ZNF804B: variants seen among roughly 807,000 people sequenced by gnomAD.
ZNF804B encodes the protein zinc finger protein 804B.
A neutral mutation model predicts 101.4 loss-of-function variants in ZNF804B; 80 were observed. The ratio of observed to expected loss-of-function variants is 0.79; its 90% CI spans 0.66 to 0.95. The LOEUF is 0.95. Among genes scored for constraint, ZNF804B ranks in the 40% least tolerant of loss-of-function variants. The pLI is 0.00. For synonymous variants in ZNF804B, 622 were observed against 558.8 expected (o/e 1.11, Z -1.59); for missense variants, 1,673 against 1,561.9 (o/e 1.07, Z -1.20).
intron 1 of ZNF804B, among the ~76,000 whole-genome samples, chr7:88,925,572 C>G (rs1283968509): frequency 6.6e-6 from 1 of 152,078 alleles, no homozygotes; most frequent in Non-Finnish European, 1.5e-5. Context: ...TGGAGAGAGG[C>G]CTTGGGAGAA....
chr7:89,211,539 G>C (rs755749934), intron 1 of ZNF804B, among the ~76,000 whole-genome samples: 1 of 152,032 alleles, frequency 6.6e-6, no homozygotes, highest in Non-Finnish European at 1.5e-5. Context: ...GTTAATTTTT[G>C]TATAAGGTGA....
chr7:88,860,851 C>A (rs1301058956), intron 1 of ZNF804B, among the ~76,000 whole-genome samples: 1 of 152,086 alleles, frequency 6.6e-6, no homozygotes, highest in Non-Finnish European at 1.5e-5. Context: ...TCGTCAAATG[C>A]CATTTAATAA....
At chr7:89,063,269 G>C (rs1789404432) in intron 1 of ZNF804B, among the ~76,000 whole-genome samples, 1 of 152,058 alleles carries the variant, frequency 6.6e-6, no homozygotes, top group African/African-American at 2.4e-5. Context: ...AGGACCTATT[G>C]CATGTCTGAT....
At chr7:88,956,711 TGTA>T (rs1793315894) in intron 1 of ZNF804B, among the ~76,000 whole-genome samples, 2 of 151,186 alleles carry the variant, frequency 1.3e-5, no homozygotes, top group South Asian at 2.1e-4. Context: ...AAATATTAAA[TGTA>T]GTATATTTCT....
Position 89,336,298 on chromosome 7 carries a change from C to G in ZNF804B, c.3316C>G (p.His1106Asp). Residue 1106 changes from histidine (H) to aspartate (D), a missense_variant, in exon 4 of 4, where the codon CAT becomes GAT. His to Asp is a moderately conservative substitution (Grantham distance 81). Coordinates refer to ENST00000333190, the MANE Select transcript of ZNF804B (RefSeq NM_181646.5). Reference sequence around the variant, plus strand: ...TCTAGACTTACAGGATGTAAGCATGCATATAAATCATGTAGAGGGAAATAT... The same window carrying G: ...TCTAGACTTACAGGATGTAAGCATGGATATAAATCATGTAGAGGGAAATAT... ...INLDLQDVSMHINHVEGNINS... is the reference protein window; with the variant it reads ...INLDLQDVSMDINHVEGNINS... 6.2e-7 allele frequency: 1 copy of G among 1,613,788 alleles called. No homozygotes were observed. Among genetic ancestry groups the G allele is most frequent in the Non-Finnish European group, 8.5e-7 (1 of 1,179,918 alleles).
intron 1 of ZNF804B, among the ~76,000 whole-genome samples, chr7:88,870,158 G>A (rs897845967): frequency 6.6e-6 from 1 of 150,964 alleles, no homozygotes; most frequent in African/African-American, 2.4e-5. Flanking sequence ...AGGCCGAGAC[G>A]GGCGGATCAC....
intron 1 of ZNF804B, among the ~76,000 whole-genome samples, chr7:88,833,737 G>T (rs1028129004): frequency 5.9e-5 from 9 of 151,820 alleles, no homozygotes; most frequent in Admixed American, 2.0e-4. Context: ...TAATTTGATT[G>T]CATCTCTGTG....
chr7:89,167,584 T>C (rs186866456), intron 1 of ZNF804B, among the ~76,000 whole-genome samples: 2 of 152,312 alleles, frequency 1.3e-5, no homozygotes, highest in Non-Finnish European at 2.9e-5. Flanking sequence ...AAGCAGGGTG[T>C]ACTTTCTATA....
intron 1 of ZNF804B, among the ~76,000 whole-genome samples, chr7:89,038,598 T>C (rs1788964083): frequency 6.6e-6 from 1 of 152,154 alleles, no homozygotes; most frequent in Non-Finnish European, 1.5e-5. Context: ...CAAATATTTT[T>C]GCTCATTCTG....
chr7:89,336,588 G>A lies in ZNF804B; in HGVS notation c.3606G>A (p.Gln1202=), dbSNP rs1302546995. Residue 1202 remains glutamine, a synonymous_variant, in exon 4 of 4, where the codon CAG becomes CAA. Transcript: ENST00000333190. The part of the protein sequence containing the change: ...ASTVQTVPVH[Q]HTSITTIHHT... Reference sequence around the variant, plus strand: ...CCGTACAGACAGTTCCAGTTCACCAGCACACTTCTATCACCACCATCCACC... The same window carrying A: ...CCGTACAGACAGTTCCAGTTCACCAACACACTTCTATCACCACCATCCACC... The A allele has an allele frequency of 6.2e-7, 1 of 1,614,054 alleles. No homozygotes were observed.
intron 1 of ZNF804B, among the ~76,000 whole-genome samples, chr7:88,905,384 G>A (rs1792453797): frequency 6.6e-6 from 1 of 151,534 alleles, no homozygotes; most frequent in Non-Finnish European, 1.5e-5. Context: ...TTTAGATGGA[G>A]TCTCACTCTG....
At position 89,263,170 on chromosome 7, in the gene ZNF804B, C is replaced by T. The variant is rs1789736307; in HGVS notation, c.249+44875C>T. On this transcript the variant is annotated intron_variant, in intron 2 of 3. Transcript: ENST00000333190. ...ATGCCTCCGTCTTCCTGACCTCCTT[C>T]AGTTAATATTCCTACCTCGGGACTT... 2.0e-5 allele frequency among the ~76,000 whole-genome samples: 3 copies of T among 152,298 alleles called. No homozygotes were observed. In the South Asian group the frequency reaches 6.2e-4, roughly 32 times the overall value.
intron 1 of ZNF804B, among the ~76,000 whole-genome samples, chr7:89,049,248 T>C (rs1225878613): frequency 6.6e-6 from 1 of 152,190 alleles, no homozygotes; most frequent in African/African-American, 2.4e-5. Context: ...CACTGACTGA[T>C]AAGAATGGAA....
chr7:89,136,105 A>G (rs1304602961), intron 1 of ZNF804B, among the ~76,000 whole-genome samples: 1 of 152,118 alleles, frequency 6.6e-6, no homozygotes, highest in Non-Finnish European at 1.5e-5. Context: ...TATAATGTTG[A>G]TTATTAGAAT....
intron 1 of ZNF804B, among the ~76,000 whole-genome samples, chr7:88,973,424 C>A (rs1038288672): frequency 6.6e-6 from 1 of 151,306 alleles, no homozygotes; most frequent in Admixed American, 6.6e-5. Context: ...ATCTCTCTCT[C>A]TCTTTTTAAA....
At chr7:89,188,526 A>G (rs1447608356) in intron 1 of ZNF804B, among the ~76,000 whole-genome samples, 2 of 152,170 alleles carry the variant, frequency 1.3e-5, no homozygotes, top group East Asian at 3.9e-4. Context: ...TATTAAGCTT[A>G]GTCAGGAAGG....
intron 1 of ZNF804B, among the ~76,000 whole-genome samples, chr7:88,838,879 C>A (rs1276469072): frequency 6.6e-6 from 1 of 151,940 alleles, no homozygotes; most frequent in East Asian, 1.9e-4. Flanking sequence ...GTTATAATAA[C>A]TAGATAGTAT....
At chr7:89,144,284 G>A (rs1381087185) in intron 1 of ZNF804B, among the ~76,000 whole-genome samples, 4 of 151,920 alleles carry the variant, frequency 2.6e-5, no homozygotes, top group Non-Finnish European at 5.9e-5. Flanking sequence ...CATACAAATA[G>A]TCGTAAGCTT....
At chr7:89,288,235 A>G (rs1790236466) in intron 2 of ZNF804B, among the ~76,000 whole-genome samples, 1 of 152,106 alleles carries the variant, frequency 6.6e-6, no homozygotes. Flanking sequence ...AAAAAAATGG[A>G]AAGAACCGAT....
Sources: allele counts gnomAD v4.1 joint callset (sites outside exome capture counted in the v4.1 genomes callset), GRCh38; gene constraint gnomAD v4.1.1; transcripts MANE v1.5; gene names NCBI Gene and HGNC (gene_info 2026-07-23, HGNC 2026-07-21).